The following PKIA variants were observed in gnomAD, a reference collection of about 807,000 sequenced individuals.
PKIA encodes PKI-alpha.
In PKIA, 4 loss-of-function variants were observed where a neutral mutation model predicts 7.6. That is an observed-to-expected ratio of 0.52 (90% confidence interval 0.26 to 1.20). The LOEUF (loss-of-function observed/expected upper bound fraction) is 1.20, where lower values mean the gene tolerates loss of function less well. Among genes scored for constraint, PKIA ranks in the 50% most tolerant of loss-of-function variants. PKIA has a pLI of 0.13. For synonymous variants in PKIA, 21 were observed against 30.7 expected (o/e 0.68, Z 1.04); for missense variants, 73 against 86.2 (o/e 0.85, Z 0.61).
intron 1 of PKIA, among the ~76,000 whole-genome samples, chr8:78,555,488 CATCTT>C (rs762307429): frequency 1.1e-4 from 16 of 152,024 alleles, no homozygotes; most frequent in African/African-American, 2.4e-4. Context: ...TTACAAGACT[CATCTT>C]ATAAGCCATA....
At chr8:78,595,898 G>A (rs10094507) in intron 2 of PKIA, among the ~76,000 whole-genome samples, 439 of 152,292 alleles carry the variant, frequency 2.9e-3, no homozygotes, top group Admixed American at 5.4e-3. Context: ...CCAGTAATGT[G>A]ATTGCTGGGT....
chr8:78,591,377 G>A (rs1035581108), intron 2 of PKIA: 3 of 152,518 alleles, frequency 2.0e-5, no homozygotes, highest in African/African-American at 7.2e-5. Context: ...CAAATAATTT[G>A]TGTGTATGGA....
Position 78,605,057 on chromosome 8 carries a change from A to G in PKIA, c.*3236A>G, listed in dbSNP as rs1006321541. The G allele has an allele frequency of 6.6e-6, 1 of 152,014 alleles. No individual in the cohort carries two copies. The highest frequency in any genetic ancestry group is 1.5e-5 in the Non-Finnish European group (1 of 67,966). The allele number at this position is 152,014 out of a possible 1,614,324, so 9.4% of individuals were successfully genotyped here. On this transcript the variant is annotated 3_prime_UTR_variant, in exon 4 of 4. Transcript: ENST00000396418. ...AAAGCTTCTAAGTGAAACCTGTAGT[A>G]GCAGTAGTAGTAGGGAGAAAATGTG...
At chr8:78,575,975 A>T (rs1807665351) in intron 2 of PKIA, among the ~76,000 whole-genome samples, 1 of 152,008 alleles carries the variant, frequency 6.6e-6, no homozygotes. Context: ...TTACTTGAAG[A>T]CTACTGCCCT....
chr8:78,542,773 C>T (rs1477256702), intron 1 of PKIA, among the ~76,000 whole-genome samples: 1 of 152,096 alleles, frequency 6.6e-6, no homozygotes, highest in Non-Finnish European at 1.5e-5. Flanking sequence ...TACCTGTACT[C>T]TCTTTTGTAT....
intron 1 of PKIA, among the ~76,000 whole-genome samples, chr8:78,518,750 G>T (rs902219579): frequency 3.3e-5 from 5 of 152,170 alleles, no homozygotes; most frequent in African/African-American, 1.2e-4. Context: ...TAGTGATTTT[G>T]CAGGTGAGTT....
Position 78,603,168 on chromosome 8 carries a change from A to G in PKIA, c.*1347A>G, listed in dbSNP as rs1808393481. On this transcript the variant is annotated 3_prime_UTR_variant, in exon 4 of 4. Coordinates refer to ENST00000396418, the MANE Select transcript of PKIA (RefSeq NM_006823.4). ...TGTGAGCTGTGTAATCCCTCTGGTC[A>G]GTATTATGAAATCATTTGTCAGTGG... 6.6e-6 allele frequency: 1 copy of G among 152,396 alleles called. No homozygotes were observed. Among genetic ancestry groups the G allele is most frequent in the Non-Finnish European group, 1.5e-5 (1 of 67,944 alleles). 9.4% of individuals were successfully genotyped at this position (152,396 alleles called of 1,614,324 possible).
rs139238535 is a variant in PKIA, at chr8:78,603,875, G to A, written c.*2054G>A. On this transcript the variant is annotated 3_prime_UTR_variant, in exon 4 of 4. Coordinates refer to ENST00000396418, the MANE Select transcript of PKIA (RefSeq NM_006823.4). ...GGTTTATATTCCTATGTGATATACT[G>A]TTATTAATGCATGTGGTGCCATGCT... is the stretch of plus-strand genomic sequence containing the variant. 6.6e-6 allele frequency: 1 copy of A among 151,956 alleles called. No individual in the cohort carries two copies. The highest frequency in any genetic ancestry group is 2.1e-4 in the South Asian group (1 of 4,832). 9.4% of individuals were successfully genotyped at this position (151,956 alleles called of 1,614,324 possible). A position where few individuals can be genotyped will look rare whatever the true frequency, so the allele number is the denominator to read the frequency against.
In PKIA at chr8:78,587,893, T is replaced by C. The variant is rs866502465; in HGVS notation, c.-27-10465T>C. On this transcript the variant is annotated intron_variant, in intron 2 of 3. Coordinates refer to ENST00000396418, the MANE Select transcript of PKIA (RefSeq NM_006823.4). ...ATAAGGACACATACTCTCAGCCTAG[T>C]TTTACTATGAACAACTGTATGACCT... Among the ~76,000 whole-genome samples the C allele has an allele frequency of 5.3e-5, 8 of 152,306 alleles. No homozygotes were observed. The South Asian group carries it at 1.7e-3, about 32-fold the overall frequency.
intron 1 of PKIA, among the ~76,000 whole-genome samples, chr8:78,532,881 C>T (rs751892297): frequency 2.0e-5 from 3 of 151,916 alleles, no homozygotes; most frequent in Non-Finnish European, 2.9e-5. Flanking sequence ...CACCACTGCA[C>T]TCCTGGGTGA....
intron 1 of PKIA, among the ~76,000 whole-genome samples, chr8:78,549,536 G>A (rs964393597): frequency 4.0e-5 from 6 of 151,744 alleles, no homozygotes; most frequent in Non-Finnish European, 8.8e-5. Context: ...AAAATTCAGA[G>A]TTCTAGATAA....
At chr8:78,537,124 C>T (rs990597786) in intron 1 of PKIA, among the ~76,000 whole-genome samples, 4 of 151,456 alleles carry the variant, frequency 2.6e-5, no homozygotes, top group Non-Finnish European at 5.9e-5. Context: ...TGATAAACCT[C>T]TGTACCAGCT....
At chr8:78,578,651 G>A (rs1343849098) in intron 2 of PKIA, among the ~76,000 whole-genome samples, 1 of 151,964 alleles carries the variant, frequency 6.6e-6, no homozygotes, top group Non-Finnish European at 1.5e-5. Context: ...TGCTTTGTTT[G>A]ACTGGCTTTT....
At chr8:78,524,518 A>C (rs982818048) in intron 1 of PKIA, among the ~76,000 whole-genome samples, 23 of 151,748 alleles carry the variant, frequency 1.5e-4, no homozygotes, top group African/African-American at 5.6e-4. Context: ...ACTATTTGTT[A>C]CATGCCCATA....
intron 1 of PKIA, among the ~76,000 whole-genome samples, chr8:78,540,094 A>T (rs1806641160): frequency 6.6e-6 from 1 of 152,014 alleles, no homozygotes; most frequent in Non-Finnish European, 1.5e-5. Flanking sequence ...AAAAAAAAAA[A>T]AGTGAATCAG....
chr8:78,589,676 T>C (rs1034577724), intron 2 of PKIA, among the ~76,000 whole-genome samples: 4 of 152,182 alleles, frequency 2.6e-5, no homozygotes, highest in African/African-American at 9.6e-5. Context: ...CTATGTATTC[T>C]GCACCCCTAC....
At chr8:78,583,627 T>C (rs183381579) in intron 2 of PKIA, among the ~76,000 whole-genome samples, 9 of 152,250 alleles carry the variant, frequency 5.9e-5, no homozygotes, top group South Asian at 2.1e-4. Context: ...TCTTTTACAG[T>C]TGAATTACTG....
At chr8:78,570,502 C>T (rs1008138307) in intron 1 of PKIA, among the ~76,000 whole-genome samples, 2 of 152,098 alleles carry the variant, frequency 1.3e-5, no homozygotes, top group African/African-American at 4.8e-5. Context: ...TGCAACTACC[C>T]TTCTCCAACA....
chr8:78,538,200 G>A (rs1372185514), intron 1 of PKIA, among the ~76,000 whole-genome samples: 8 of 152,168 alleles, frequency 5.3e-5, no homozygotes, highest in African/African-American at 1.4e-4. Context: ...GGGAGGCATT[G>A]AAAGCAGGAA....
Sources: gnomAD v4.1 joint callset for allele counts (sites outside exome capture counted in the v4.1 genomes callset) on GRCh38, gnomAD v4.1.1 for gene constraint, MANE v1.5 for transcripts, NCBI Gene and HGNC (gene_info 2026-07-23, HGNC 2026-07-21) for gene names.